Variants in BAIAP2L2 observed in about 807,000 individuals in gnomAD.
The protein encoded by BAIAP2L2 is BAR/IMD domain-containing adapter protein 2-like 2.
Under a neutral mutation model 60.4 loss-of-function variants are expected in BAIAP2L2, and 65 were observed. The observed-to-expected ratio is 1.08, with a 90% CI of 0.88 to 1.32. BAIAP2L2 has a LOEUF of 1.32. Ranked by LOEUF, BAIAP2L2 falls within the 40% of genes most tolerant of loss-of-function variation. The probability of loss-of-function intolerance (pLI) is 0.00; values close to 1 mark genes in which losing one functional copy is unlikely to be tolerated. For missense variants in BAIAP2L2, 836 were observed against 741.2 expected, an observed-to-expected ratio of 1.13 and a Z score of -1.48; for synonymous variants, 344 against 301.7, an observed-to-expected ratio of 1.14 and a Z score of -1.45.
intron 8 of BAIAP2L2, 77 bp downstream of exon 8, chr22:38,089,445 G>A: frequency 3.6e-6 from 3 of 832,496 alleles, no homozygotes; most frequent in Non-Finnish European, 4.7e-6. Context: ...GAGGCTCCAG[G>A]CTGGGGGCCT....
intron 4 of BAIAP2L2, among the ~76,000 whole-genome samples, chr22:38,106,618 C>T (rs2086669933): frequency 6.6e-6 from 1 of 151,938 alleles, no homozygotes; most frequent in South Asian, 2.1e-4. Flanking sequence ...CTTCCAGGGG[C>T]TCCCCTTCAC....
Position 38,110,584 on chromosome 22 carries a change from G to A in BAIAP2L2, c.-59C>T. 1 of 1,472,382 alleles carries A rather than the reference G, an allele frequency of 6.8e-7. No individual in the cohort carries two copies. Among genetic ancestry groups the A allele is most frequent in the South Asian group, 1.2e-5 (1 of 81,120 alleles). 91.2% of individuals were successfully genotyped at this position (1,472,382 alleles called of 1,614,324 possible). ...GGAGCTGGTGGCGATGGCACAGCCG[G>A]GAGCAGTGGTAGGTAGTCCCTCAGG... On this transcript the variant is annotated 5_prime_UTR_variant, in exon 1 of 14. Transcript: ENST00000381669.
At chr22:38,092,886 G>A (rs2086339270) in intron 7 of BAIAP2L2, among the ~76,000 whole-genome samples, 1 of 152,030 alleles carries the variant, frequency 6.6e-6, no homozygotes, top group African/African-American at 2.4e-5. Flanking sequence ...TGCAGTGGCC[G>A]GGCGCGGTGG....
intron 12 of BAIAP2L2, 64 bp downstream of exon 12, chr22:38,086,178 G>A: frequency 6.6e-7 from 1 of 1,525,420 alleles, no homozygotes; most frequent in East Asian, 2.4e-5. Flanking sequence ...CAGAGCCTCG[G>A]GATCCCTGCT....
intron 6 of BAIAP2L2, 126 bp from the exon 7 acceptor site, chr22:38,097,304 C>G: frequency 9.6e-7 from 1 of 1,041,402 alleles, no homozygotes. Context: ...GCCCACCCCC[C>G]ATCACCCGGC....
In BAIAP2L2 at chr22:38,096,154, C is replaced by T. The variant is rs1219883500; in HGVS notation, c.612+878G>A. 1.4e-4 allele frequency among the ~76,000 whole-genome samples: 21 copies of T among 151,818 alleles called. 1 individual carries two copies. Among genetic ancestry groups the T allele is most frequent in the Admixed American group, 6.6e-4 (10 of 15,232 alleles). On this transcript the variant is annotated intron_variant, in intron 7 of 13. Transcript: ENST00000381669. ...AGAGCAGTATTAATATCAGACAAGG[C>T]GGAATTAAAAGCATCAAACTTAAGA... is the stretch of plus-strand genomic sequence containing the variant.
At chr22:38,089,062 G>T (rs1314510080) in intron 9 of BAIAP2L2, 34 bp downstream of exon 9, 1 of 1,382,488 alleles carries the variant, frequency 7.2e-7, no homozygotes. Context: ...CGCCTCTCCC[G>T]GCCCTCCTGC....
intron 10 of BAIAP2L2, among the ~76,000 whole-genome samples, chr22:38,088,015 C>T (rs550923866): frequency 3.2e-4 from 49 of 152,176 alleles, no homozygotes; most frequent in African/African-American, 7.2e-4. Context: ...CTCATCCATC[C>T]GTGGGCTGGT....
In BAIAP2L2 at chr22:38,110,527, G is replaced by A; in HGVS notation, c.-2C>T. The stretch of plus-strand genomic sequence containing the variant: ...GAACTGGTCCATCTCGGGGGCCATG[G>A]AGGGGCTGTCCCGGGTCTGAGCAGG... On this transcript the variant is annotated 5_prime_UTR_variant, in exon 1 of 14. Transcript: ENST00000381669. 6.2e-7 allele frequency: 1 copy of A among 1,610,450 alleles called. No homozygotes were observed. The highest frequency in any genetic ancestry group is 8.5e-7 in the Non-Finnish European group (1 of 1,178,284).
At position 38,109,437 on chromosome 22, in the gene BAIAP2L2, C is replaced by T. The variant is rs116478667; in HGVS notation, c.52-229G>A. On this transcript the variant is annotated intron_variant, in intron 1 of 13. Coordinates refer to ENST00000381669, the MANE Select transcript of BAIAP2L2 (RefSeq NM_025045.6). ...GGGTCCTGTTCTAAGCTGTGGTCCC[C>T]TCACAGCCAGCTCCCGCTTACGTCT... Among the ~76,000 whole-genome samples, 836 of 152,244 alleles carry T rather than the reference C, an allele frequency of 5.5e-3. 10 individuals carry two copies. The highest frequency in any genetic ancestry group is 0.027 in the Middle Eastern group (8 of 294).
chr22:38,109,355 C>T, intron 1 of BAIAP2L2, 147 bp from the exon 2 acceptor site: 1 of 656,346 alleles, frequency 1.5e-6, no homozygotes, highest in Non-Finnish European at 2.7e-6. Context: ...ATCTACAAAC[C>T]TAGGCTCACC....
chr22:38,085,974 C>T (rs949018867), intron 12 of BAIAP2L2, among the ~76,000 whole-genome samples: 5 of 152,208 alleles, frequency 3.3e-5, no homozygotes, highest in East Asian at 1.9e-4. Flanking sequence ...AGGATAAGAC[C>T]GGGGTGGCTC....
At position 38,085,071 on chromosome 22, in the gene BAIAP2L2, G is replaced by A. The variant is rs888631937; in HGVS notation, c.*229C>T. The A allele has an allele frequency of 1.9e-6, 1 of 518,474 alleles. No individual in the cohort carries two copies. The highest frequency in any genetic ancestry group is 2.1e-5 in the South Asian group (1 of 48,598). The allele number at this position is 518,474 out of a possible 1,614,324, so 32.1% of individuals were successfully genotyped here. On this transcript the variant is annotated 3_prime_UTR_variant, in exon 14 of 14. Transcript: ENST00000381669. ...GGAGAGTCCTGGAGCCCCTGGAGGG[G>A]GAGAAATTGTCCTGTCCCCCCATTC...
intron 4 of BAIAP2L2, among the ~76,000 whole-genome samples, chr22:38,101,313 G>A (rs2086560357): frequency 1.4e-5 from 2 of 140,720 alleles, no homozygotes; most frequent in Admixed American, 7.4e-5. Context: ...TGGGAGGATT[G>A]CTCGAGCCCA....
intron 4 of BAIAP2L2, among the ~76,000 whole-genome samples, chr22:38,105,272 C>T (rs1297617902): frequency 6.6e-6 from 1 of 151,918 alleles, no homozygotes; most frequent in Non-Finnish European, 1.5e-5. Flanking sequence ...TCCTTTCTGT[C>T]CAGATTGCCC....
chr22:38,109,178 C>A lies in BAIAP2L2; in HGVS notation c.82G>T (p.Glu28Ter). ...TTGTTGCCCAGGTACACCAGGTTCTCCAGGGCGGGGTTAAACTGCTCCATG... is the reference window on the plus strand; with the variant it reads ...TTGTTGCCCAGGTACACCAGGTTCTACAGGGCGGGGTTAAACTGCTCCATG... ...SIMEQFNPAL[E>*]NLVYLGNNYL... Residue 28 changes from glutamate (E) to a stop codon, truncating the protein, a stop_gained, in exon 2 of 14, where the codon GAG becomes TAG. Transcript: ENST00000381669. LOFTEE classifies it high-confidence loss of function. 6.2e-7 allele frequency: 1 copy of A among 1,613,098 alleles called. No homozygotes were observed. Among genetic ancestry groups the A allele is most frequent in the Non-Finnish European group, 8.5e-7 (1 of 1,179,620 alleles).
chr22:38,088,757 C>A lies in BAIAP2L2; in HGVS notation c.1109G>T (p.Gly370Val). 1 of 1,598,746 alleles carries A rather than the reference C, an allele frequency of 6.3e-7. No homozygotes were observed. The highest frequency in any genetic ancestry group is 1.1e-5 in the South Asian group (1 of 90,528). ...CAAGGCTCCCACTCACGCGGACGAG[C>A]CCTCCAGCTTGCCGTAGAGCCAGCC... ...QNGWLYGKLEGSSASGWFPEA... is the reference protein window; with the variant it reads ...QNGWLYGKLEVSSASGWFPEA... Residue 370 changes from glycine (G) to valine (V), a missense_variant, in exon 10 of 14, where the codon GGC becomes GTC. Coordinates refer to ENST00000381669, the MANE Select transcript of BAIAP2L2 (RefSeq NM_025045.6).
chr22:38,110,888 G>A (rs1391770156), upstream of BAIAP2L2, among the ~76,000 whole-genome samples: 1 of 152,142 alleles, frequency 6.6e-6, no homozygotes, highest in South Asian at 2.1e-4. Flanking sequence ...ACCCTGGGGG[G>A]CCCCGCCCTC....
chr22:38,101,625 G>C (rs916818232), intron 4 of BAIAP2L2, among the ~76,000 whole-genome samples: 2 of 150,658 alleles, frequency 1.3e-5, no homozygotes, highest in Admixed American at 6.7e-5. Flanking sequence ...AGGCCAAGGT[G>C]TGTGGATCAC....
Sources: gnomAD v4.1 joint callset for allele counts (sites outside exome capture counted in the v4.1 genomes callset) on GRCh38, gnomAD v4.1.1 for gene constraint, MANE v1.5 for transcripts, NCBI Gene and HGNC (gene_info 2026-07-23, HGNC 2026-07-21) for gene names.